The following CSNK2A2IP variants were observed in gnomAD, a reference collection of about 807,000 sequenced individuals.
The protein encoded by CSNK2A2IP is casein kinase II subunit alpha'-interacting protein.
the CSNK2A2IP span, among the ~76,000 whole-genome samples, chr3:88,381,208 A>G: frequency 6.6e-6 from 1 of 152,222 alleles, no homozygotes. Flanking sequence ...AAATGTTCCT[A>G]GCCAAAAAAT....
the CSNK2A2IP span, among the ~76,000 whole-genome samples, chr3:88,359,308 T>C: frequency 6.6e-6 from 1 of 151,562 alleles, no homozygotes; most frequent in African/African-American, 2.4e-5. Flanking sequence ...TGATTTTGTT[T>C]ATCTTTTCAA....
At chr3:88,435,482 T>C in the CSNK2A2IP span, among the ~76,000 whole-genome samples, 1 of 152,130 alleles carries the variant, frequency 6.6e-6, no homozygotes, top group African/African-American at 2.4e-5. Context: ...TTCTAAGAAC[T>C]TCTATAGTTA....
chr3:88,355,659 A>T, the CSNK2A2IP span, among the ~76,000 whole-genome samples: 7 of 152,166 alleles, frequency 4.6e-5, no homozygotes, highest in African/African-American at 9.7e-5. Flanking sequence ...GAAGTATGTT[A>T]TTATTATTTG....
At chr3:88,398,674 G>A in the CSNK2A2IP span, among the ~76,000 whole-genome samples, 1 of 152,108 alleles carries the variant, frequency 6.6e-6, no homozygotes, top group Non-Finnish European at 1.5e-5. Flanking sequence ...TGAAAGTCAG[G>A]AGGCTTTATT....
At chr3:88,378,026 A>T in the CSNK2A2IP span, among the ~76,000 whole-genome samples, 1 of 151,946 alleles carries the variant, frequency 6.6e-6, no homozygotes, top group Non-Finnish European at 1.5e-5. Context: ...AAACTAAAAA[A>T]TGTTACCAGT....
chr3:88,429,702 A>C, the CSNK2A2IP span, among the ~76,000 whole-genome samples: 2 of 152,112 alleles, frequency 1.3e-5, no homozygotes, highest in Non-Finnish European at 2.9e-5. Context: ...GTATTCTTCT[A>C]AATTGATCTC....
chr3:88,352,122 T>A, the CSNK2A2IP span, among the ~76,000 whole-genome samples: 10 of 152,320 alleles, frequency 6.6e-5, no homozygotes, highest in African/African-American at 2.4e-4. Context: ...TCCATTTTTT[T>A]ACTGTTTTAG....
At chr3:88,354,388 T>C in the CSNK2A2IP span, among the ~76,000 whole-genome samples, 2 of 152,198 alleles carry the variant, frequency 1.3e-5, no homozygotes, top group African/African-American at 4.8e-5. Context: ...ACTATTACTA[T>C]TTTTTAAATC....
chr3:88,465,979 C>A, the CSNK2A2IP span: 2 of 1,231,498 alleles, frequency 1.6e-6, no homozygotes, highest in East Asian at 3.2e-5. Context: ...GGGACCCAAA[C>A]GAAAAGCCCT....
chr3:88,373,107 TAAAC>T, the CSNK2A2IP span, among the ~76,000 whole-genome samples: 2 of 151,472 alleles, frequency 1.3e-5, no homozygotes, highest in Non-Finnish European at 3.0e-5. Context: ...ATAGAAAAAT[TAAAC>T]AATACTCTCA....
the CSNK2A2IP span, chr3:88,467,116 G>A: frequency 4.4e-6 from 2 of 459,116 alleles, no homozygotes; most frequent in Non-Finnish European, 7.1e-6. Context: ...CAAAGTTATA[G>A]GCCAACAGCC....
the CSNK2A2IP span, among the ~76,000 whole-genome samples, chr3:88,356,992 A>AT: frequency 0.44 from 66,584 of 151,832 alleles, 15,841 homozygotes; most frequent in South Asian, 0.62. Flanking sequence ...GTTTGAGTTT[A>AT]TTTATATTTT....
the CSNK2A2IP span, among the ~76,000 whole-genome samples, chr3:88,413,492 T>C: frequency 6.6e-6 from 1 of 152,012 alleles, no homozygotes; most frequent in Non-Finnish European, 1.5e-5. Context: ...AATGATGTGG[T>C]TTCATTGGAA....
chr3:88,372,345 A>G, the CSNK2A2IP span, among the ~76,000 whole-genome samples: 2 of 151,504 alleles, frequency 1.3e-5, no homozygotes, highest in African/African-American at 4.8e-5. Flanking sequence ...TGAAAATGAT[A>G]ACACAAAGGA....
chr3:88,416,351 A>G, the CSNK2A2IP span, among the ~76,000 whole-genome samples: 3 of 150,754 alleles, frequency 2.0e-5, no homozygotes, highest in Non-Finnish European at 4.4e-5. Flanking sequence ...GGGGATTCAC[A>G]AAAATGCCAC....
At chr3:88,357,617 A>T in the CSNK2A2IP span, among the ~76,000 whole-genome samples, 1 of 152,182 alleles carries the variant, frequency 6.6e-6, no homozygotes, top group Non-Finnish European at 1.5e-5. Context: ...TTATGTGAAG[A>T]ACATCATTGT....
chr3:88,439,119 A>G, the CSNK2A2IP span, among the ~76,000 whole-genome samples: 2 of 151,932 alleles, frequency 1.3e-5, no homozygotes, highest in Admixed American at 1.3e-4. Flanking sequence ...ATCTGTCTCC[A>G]CCCTCTACCT....
the CSNK2A2IP span, among the ~76,000 whole-genome samples, chr3:88,464,584 T>G: frequency 3.8e-3 from 571 of 152,054 alleles, no homozygotes; most frequent in South Asian, 6.2e-3. Flanking sequence ...AATGCTGCAG[T>G]GGTGACAAAT....
chr3:88,404,734 G>C, the CSNK2A2IP span, among the ~76,000 whole-genome samples: 3 of 146,896 alleles, frequency 2.0e-5, 1 homozygote, highest in Admixed American at 1.4e-4. Context: ...TTTTCTCTTC[G>C]AACTTTTGTT....
Sources: allele counts gnomAD v4.1 joint callset (sites outside exome capture counted in the v4.1 genomes callset), GRCh38; gene constraint gnomAD v4.1.1; transcripts MANE v1.5; gene names NCBI Gene and HGNC (gene_info 2026-07-23, HGNC 2026-07-21).